The following GALNT7 variants were observed in gnomAD, a reference collection of about 807,000 sequenced individuals.
GALNT7 encodes N-acetylgalactosaminyltransferase 7.
Under a neutral mutation model 82.1 loss-of-function variants are expected in GALNT7, and 60 were observed. The observed-to-expected ratio is 0.73, with a 90% CI of 0.59 to 0.91. The LOEUF is 0.91. Ranked by LOEUF, GALNT7 falls within the 40% of genes least tolerant of loss-of-function variation. The pLI, the probability that GALNT7 is intolerant of heterozygous loss-of-function variation, is 0.00. For missense variants in GALNT7, 660 were observed against 804.2 expected (o/e 0.82, Z 2.17); for synonymous variants, 243 against 275.1 (o/e 0.88, Z 1.15).
intron 2 of GALNT7, among the ~76,000 whole-genome samples, chr4:173,252,668 A>G (rs1429738475): frequency 6.6e-6 from 1 of 152,168 alleles, no homozygotes; most frequent in Non-Finnish European, 1.5e-5. Context: ...GCCAAGAATG[A>G]CTTCACCTGC....
Position 173,256,329 on chromosome 4 carries a change from G to A in GALNT7, c.587+7889G>A, listed in dbSNP as rs114526544. Among the ~76,000 whole-genome samples the A allele has an allele frequency of 7.7e-3, 1,180 of 152,286 alleles. 13 individuals are homozygous for A. Among genetic ancestry groups the A allele is most frequent in the African/African-American group, 0.027 (1,102 of 41,552 alleles). On this transcript the variant is annotated intron_variant, in intron 2 of 11. Coordinates refer to ENST00000265000, the MANE Select transcript of GALNT7 (RefSeq NM_017423.3). ...GTGAAATTGCTCTGTTATTAGAAAT[G>A]AATGTCTCCAAAGACCTACAAAAAG...
chr4:173,206,936 A>G (rs1257173860), intron 1 of GALNT7, among the ~76,000 whole-genome samples: 1 of 152,186 alleles, frequency 6.6e-6, no homozygotes, highest in African/African-American at 2.4e-5. Flanking sequence ...TGCTTTTGCC[A>G]CCAGGGCCTT....
intron 2 of GALNT7, among the ~76,000 whole-genome samples, chr4:173,263,002 G>C (rs527525168): frequency 6.6e-6 from 1 of 152,082 alleles, no homozygotes; most frequent in Non-Finnish European, 1.5e-5. Flanking sequence ...CTTAAATATG[G>C]GTACCATTTG....
chr4:173,221,478 G>A (rs956728699), intron 1 of GALNT7, among the ~76,000 whole-genome samples: 3 of 152,160 alleles, frequency 2.0e-5, no homozygotes, highest in African/African-American at 7.2e-5. Context: ...ATCATATTAG[G>A]TCAGAGATGT....
At chr4:173,191,384 C>T (rs367619795) in intron 1 of GALNT7, among the ~76,000 whole-genome samples, 7 of 152,262 alleles carry the variant, frequency 4.6e-5, no homozygotes, top group African/African-American at 1.7e-4. Flanking sequence ...AAGTCTCTTC[C>T]GCCAGCCCTT....
chr4:173,210,305 G>T lies in GALNT7; in HGVS notation c.127-37675G>T, dbSNP rs183919641. 1.9e-4 allele frequency among the ~76,000 whole-genome samples: 29 copies of T among 152,250 alleles called. 1 individual carries two copies. The East Asian group carries it at 5.4e-3, about 28-fold the overall frequency. On this transcript the variant is annotated intron_variant, in intron 1 of 11. Transcript: ENST00000265000. ...TGTGGGCACAGAGCCTGTGTTTGAG[G>T]CAGATGGAATTTCATCCGTCGGAAA...
At position 173,256,764 on chromosome 4, in the gene GALNT7, C is replaced by A. The variant is rs887730214; in HGVS notation, c.587+8324C>A. On this transcript the variant is annotated intron_variant, in intron 2 of 11. Coordinates refer to ENST00000265000, the MANE Select transcript of GALNT7 (RefSeq NM_017423.3). ...GCTATGACTGCTTTGCATAATATAGCCATAATATAAAAGGAAGAATGGGAG... is the reference window on the plus strand; with the variant it reads ...GCTATGACTGCTTTGCATAATATAGACATAATATAAAAGGAAGAATGGGAG... 2.6e-5 allele frequency among the ~76,000 whole-genome samples: 4 copies of A among 152,068 alleles called. 1 individual carries two copies. Among genetic ancestry groups the A allele is most frequent in the East Asian group, 3.9e-4 (2 of 5,192 alleles).
intron 1 of GALNT7, among the ~76,000 whole-genome samples, chr4:173,236,909 A>G (rs115748964): frequency 0.012 from 1,784 of 152,368 alleles, 23 homozygotes; most frequent in South Asian, 0.025. Context: ...TGATGCATAT[A>G]AATAGTAACC....
At chr4:173,286,735 A>T (rs533306474) in intron 2 of GALNT7, among the ~76,000 whole-genome samples, 5 of 152,338 alleles carry the variant, frequency 3.3e-5, no homozygotes, top group Non-Finnish European at 7.4e-5. Context: ...ATGAGGTGGT[A>T]TAAAGGGCAA....
At chr4:173,212,159 T>C (rs1327854260) in intron 1 of GALNT7, among the ~76,000 whole-genome samples, 3 of 152,156 alleles carry the variant, frequency 2.0e-5, no homozygotes, top group Admixed American at 1.3e-4. Context: ...TTTTGATGAG[T>C]TGGAGATATG....
At chr4:173,300,233 C>T (rs1425721101) in intron 6 of GALNT7, among the ~76,000 whole-genome samples, 1 of 152,168 alleles carries the variant, frequency 6.6e-6, no homozygotes, top group African/African-American at 2.4e-5. Context: ...GTCCCAGCAA[C>T]TCAGGAGACT....
intron 2 of GALNT7, among the ~76,000 whole-genome samples, chr4:173,265,348 T>A (rs1046463651): frequency 1.7e-4 from 26 of 152,218 alleles, no homozygotes; most frequent in Non-Finnish European, 1.5e-4. Context: ...AGCTACTGTT[T>A]GGTGAATAGT....
chr4:173,265,814 C>T (rs933896762), intron 2 of GALNT7, among the ~76,000 whole-genome samples: 1 of 151,850 alleles, frequency 6.6e-6, no homozygotes, highest in Non-Finnish European at 1.5e-5. Flanking sequence ...GCTTTCATCT[C>T]AGTCTTCAAA....
intron 8 of GALNT7, among the ~76,000 whole-genome samples, chr4:173,313,313 A>G (rs1327792015): frequency 6.6e-6 from 1 of 152,102 alleles, no homozygotes; most frequent in Non-Finnish European, 1.5e-5. Context: ...TCACACATGT[A>G]ATTCCAACAC....
chr4:173,295,594 A>G, intron 4 of GALNT7, 68 bp downstream of exon 4: 1 of 1,464,298 alleles, frequency 6.8e-7, no homozygotes, highest in South Asian at 1.2e-5. Flanking sequence ...CACATTTTTA[A>G]TCATTCTTCA....
In GALNT7 at chr4:173,312,659, AT is replaced by A. The variant is rs1580013830; in HGVS notation, c.1390-1297del. On this transcript the variant is annotated intron_variant, in intron 8 of 11. Coordinates refer to ENST00000265000, the MANE Select transcript of GALNT7 (RefSeq NM_017423.3). The stretch of plus-strand genomic sequence containing the variant: ...AGTGTGTACCAATTTGGTCACATAT[AT>A]TCATGCAACCATTCATTCATCAATT... 5.3e-5 allele frequency among the ~76,000 whole-genome samples: 8 copies of A among 152,368 alleles called. No individual in the cohort carries two copies. The South Asian group carries it at 1.7e-3, about 32-fold the overall frequency.
intron 2 of GALNT7, among the ~76,000 whole-genome samples, chr4:173,284,643 G>C (rs1403345950): frequency 6.6e-6 from 1 of 151,774 alleles, no homozygotes; most frequent in African/African-American, 2.4e-5. Flanking sequence ...ATATGTTAGA[G>C]GCTTAAAACA....
intron 1 of GALNT7, among the ~76,000 whole-genome samples, chr4:173,178,053 G>GCA (rs1561142161): frequency 8.6e-5 from 8 of 92,556 alleles, no homozygotes; most frequent in Admixed American, 2.0e-4. Flanking sequence ...GTGTGTGTGT[G>GCA]CGCGCACGCG....
chr4:173,172,559 C>T (rs979970047), intron 1 of GALNT7, among the ~76,000 whole-genome samples: 14 of 152,052 alleles, frequency 9.2e-5, no homozygotes, highest in African/African-American at 3.4e-4. Context: ...AGTTTAACAA[C>T]GGCCTGACCA....
Sources: allele counts gnomAD v4.1 joint callset (sites outside exome capture counted in the v4.1 genomes callset), GRCh38; gene constraint gnomAD v4.1.1; transcripts MANE v1.5; gene names NCBI Gene and HGNC (gene_info 2026-07-23, HGNC 2026-07-21).